LARGE1: variants seen among roughly 807,000 people sequenced by gnomAD.
The protein encoded by LARGE1 is xylosyl- and glucuronyltransferase LARGE1.
LARGE1 carries 43 observed loss-of-function variants against 87.6 expected under a neutral mutation model. The ratio of observed to expected loss-of-function variants is 0.49; its 90% CI spans 0.38 to 0.63. LARGE1 has a LOEUF of 0.63. Ranked by LOEUF, LARGE1 falls within the 30% of genes least tolerant of loss-of-function variation. The pLI, the probability that LARGE1 is intolerant of heterozygous loss-of-function variation, is 0.00. For missense variants in LARGE1, 802 were observed against 1,000.2 expected (o/e 0.80, Z 2.67); for synonymous variants, 434 against 394.6 (o/e 1.10, Z -1.18).
intron 1 of LARGE1, among the ~76,000 whole-genome samples, chr22:33,895,719 G>A (rs891114350): frequency 7.9e-5 from 12 of 152,316 alleles, no homozygotes; most frequent in Middle Eastern, 3.4e-3. Flanking sequence ...TTCAGGGCAA[G>A]TTTGCTATGA....
chr22:33,782,884 T>TAA (rs397952057), intron 1 of LARGE1, among the ~76,000 whole-genome samples: 2,501 of 125,408 alleles, frequency 0.02, 70 homozygotes, highest in African/African-American at 0.066. Context: ...AAATCAAGTT[T>TAA]AAAAAAAAAA....
chr22:33,757,337 T>C (rs2084554282), intron 2 of LARGE1, among the ~76,000 whole-genome samples: 1 of 152,004 alleles, frequency 6.6e-6, no homozygotes. Flanking sequence ...TCGGGGAAGA[T>C]TCTGGTCATT....
the LARGE1 span, among the ~76,000 whole-genome samples, chr22:33,081,362 G>T: frequency 6.6e-6 from 1 of 152,204 alleles, no homozygotes; most frequent in Non-Finnish European, 1.5e-5. Flanking sequence ...GTCAGGGAAG[G>T]ACCATCTCCA....
Position 33,564,917 on chromosome 22 carries a change from C to T in LARGE1, c.718G>A (p.Val240Ile), listed in dbSNP as rs1297532267. Residue 240 changes from valine to isoleucine, a missense_variant, in exon 6 of 15, where the codon GTC becomes ATC. Physicochemically the swap from Val to Ile is conservative, Grantham distance 29 (BLOSUM62 3). Transcript: ENST00000397394. ...TLPANLERVI[V>I]LDTDITFATD... is the part of the protein sequence containing the mutation. Reference sequence around the variant, plus strand: ...GCAAAGGTGATATCCGTGTCAAGGACGATGACTCTCTCCAGGTTGGCAGGA... The same window carrying T: ...GCAAAGGTGATATCCGTGTCAAGGATGATGACTCTCTCCAGGTTGGCAGGA... 6.2e-7 allele frequency: 1 copy of T among 1,614,152 alleles called. No individual in the cohort carries two copies. The highest frequency in any genetic ancestry group is 8.5e-7 in the Non-Finnish European group (1 of 1,180,028).
At chr22:33,295,204 G>C (rs1432663136) in intron 12 of LARGE1, among the ~76,000 whole-genome samples, 1 of 152,202 alleles carries the variant, frequency 6.6e-6, no homozygotes, top group East Asian at 1.9e-4. Flanking sequence ...CTGGGTCTGA[G>C]ATGCACCATC....
intron 6 of LARGE1, among the ~76,000 whole-genome samples, chr22:33,541,483 A>G (rs1480547351): frequency 6.6e-6 from 1 of 152,186 alleles, no homozygotes; most frequent in Non-Finnish European, 1.5e-5. Flanking sequence ...AATATACACA[A>G]TTGAGTTTCA....
At chr22:33,304,553 G>A (rs367877371) in intron 11 of LARGE1, 46 bp from the exon 12 acceptor site, 1,104 of 1,515,162 alleles carry the variant, frequency 7.3e-4, no homozygotes, top group Non-Finnish European at 7.9e-4. Context: ...GGCCATCCAT[G>A]CATCATCCGC....
intron 2 of LARGE1, among the ~76,000 whole-genome samples, chr22:33,677,099 T>A (rs1569363600): frequency 6.6e-6 from 1 of 152,084 alleles, no homozygotes. Context: ...AGCTCACAAG[T>A]GGCAGGGCCA....
chr22:33,884,069 T>C (rs1183810954), intron 1 of LARGE1, among the ~76,000 whole-genome samples: 1 of 152,210 alleles, frequency 6.6e-6, no homozygotes, highest in African/African-American at 2.4e-5. Flanking sequence ...AATAGTTGTG[T>C]GATGAATCAA....
intron 11 of LARGE1, among the ~76,000 whole-genome samples, chr22:33,221,153 C>A (rs977606743): frequency 4.9e-5 from 7 of 141,764 alleles, no homozygotes; most frequent in Non-Finnish European, 9.0e-5. Flanking sequence ...CAGCTTAATA[C>A]CTTGCCGTTG....
intron 2 of LARGE1, among the ~76,000 whole-genome samples, chr22:33,671,012 G>A (rs1363051602): frequency 6.6e-6 from 1 of 152,174 alleles, no homozygotes; most frequent in Non-Finnish European, 1.5e-5. Flanking sequence ...TTGGAGATCA[G>A]AGGGAGTAGA....
intron 6 of LARGE1, among the ~76,000 whole-genome samples, chr22:33,552,490 G>A (rs994360363): frequency 2.0e-5 from 3 of 152,104 alleles, no homozygotes; most frequent in Non-Finnish European, 2.9e-5. Context: ...CAATGGTGCA[G>A]ATGCTCCAGG....
chr22:33,077,697 T>C, the LARGE1 span, among the ~76,000 whole-genome samples: 1 of 152,224 alleles, frequency 6.6e-6, no homozygotes, highest in South Asian at 2.1e-4. Context: ...ACATATATTA[T>C]GCATATTTTA....
At chr22:33,499,202 T>G (rs1483118935) in intron 6 of LARGE1, among the ~76,000 whole-genome samples, 2 of 152,138 alleles carry the variant, frequency 1.3e-5, no homozygotes, top group African/African-American at 4.8e-5. Flanking sequence ...AGCCCAGGGC[T>G]TTCTGCCCTG....
chr22:33,165,370 G>C (rs1922212799), exon 12 of LARGE1: 2 of 152,172 alleles, frequency 1.3e-5, no homozygotes, highest in South Asian at 4.1e-4. Flanking sequence ...TGCAAGTCCA[G>C]GGATTTGCTG....
chr22:33,543,735 C>A (rs1038121894), intron 6 of LARGE1, among the ~76,000 whole-genome samples: 1 of 152,226 alleles, frequency 6.6e-6, no homozygotes, highest in Non-Finnish European at 1.5e-5. Context: ...AATCTAAAAT[C>A]TGTCTTCTCT....
intron 2 of LARGE1, among the ~76,000 whole-genome samples, chr22:33,691,183 T>G (rs1275135623): frequency 6.6e-6 from 1 of 151,888 alleles, no homozygotes; most frequent in Non-Finnish European, 1.5e-5. Flanking sequence ...GCAACTGTTT[T>G]CCAAAGTCCA....
At chr22:33,215,209 C>A (rs902323276) in intron 11 of LARGE1, among the ~76,000 whole-genome samples, 1 of 152,156 alleles carries the variant, frequency 6.6e-6, no homozygotes, top group Non-Finnish European at 1.5e-5. Flanking sequence ...CCTAGGTATA[C>A]AGCACTAAAT....
intron 11 of LARGE1, among the ~76,000 whole-genome samples, chr22:33,168,909 A>G (rs1392295946): frequency 6.6e-6 from 1 of 152,232 alleles, no homozygotes. Flanking sequence ...AGCATTGAAC[A>G]TAGTAAAGCA....
Sources: gnomAD v4.1 joint callset for allele counts (sites outside exome capture counted in the v4.1 genomes callset) on GRCh38, gnomAD v4.1.1 for gene constraint, MANE v1.5 for transcripts, NCBI Gene and HGNC (gene_info 2026-07-23, HGNC 2026-07-21) for gene names.